RALGPS1: variants seen among roughly 807,000 people sequenced by gnomAD.
RALGPS1 encodes the protein Ral GEF with PH domain and SH3 binding motif 1, also known as ras-specific guanine nucleotide-releasing factor RalGPS1.
Under a neutral mutation model 78.8 loss-of-function variants are expected in RALGPS1, and 19 were observed. That is an observed-to-expected ratio of 0.24 (90% CI 0.17 to 0.35). The LOEUF (loss-of-function observed/expected upper bound fraction) is 0.35, where lower values mean the gene tolerates loss of function less well. RALGPS1 is among the 10% of genes least tolerant of loss of function. The pLI, the probability that RALGPS1 is intolerant of heterozygous loss-of-function variation, is 1.00. For missense variants in RALGPS1, 454 were observed against 688.3 expected (o/e 0.66, Z 3.81); for synonymous variants, 228 against 256.3 (o/e 0.89, Z 1.06).
chr9:127,086,661 T>A (rs1223275818), intron 8 of RALGPS1, among the ~76,000 whole-genome samples: 4 of 152,238 alleles, frequency 2.6e-5, no homozygotes, highest in African/African-American at 7.2e-5. Context: ...TTAATCTTGG[T>A]CATGTTTTAT....
At chr9:127,143,982 G>T (rs1203337336) in intron 8 of RALGPS1, among the ~76,000 whole-genome samples, 1 of 152,228 alleles carries the variant, frequency 6.6e-6, no homozygotes, top group Non-Finnish European at 1.5e-5. Flanking sequence ...GATGGATTAG[G>T]CTGTGGGAGG....
At chr9:126,916,985 C>T (rs1012054505) in intron 1 of RALGPS1, among the ~76,000 whole-genome samples, 14 of 152,178 alleles carry the variant, frequency 9.2e-5, no homozygotes, top group African/African-American at 2.9e-4. Context: ...AACTGTAATG[C>T]CTCCTACCTT....
chr9:127,079,840 T>C (rs1161040151), intron 8 of RALGPS1: 3 of 152,156 alleles, frequency 2.0e-5, no homozygotes, highest in African/African-American at 7.2e-5. Flanking sequence ...AGACAATAAA[T>C]GTTTATTGTA....
chr9:127,208,700 G>A (rs780861638), intron 14 of RALGPS1, among the ~76,000 whole-genome samples: 16 of 152,092 alleles, frequency 1.1e-4, no homozygotes, highest in Non-Finnish European at 2.2e-4. Context: ...TGTGCTCCCC[G>A]CCAGTCCACT....
In RALGPS1 at chr9:127,003,528, G is replaced by A. The variant is rs894366997; in HGVS notation, c.216+25783G>A. 9.9e-5 allele frequency among the ~76,000 whole-genome samples: 15 copies of A among 152,074 alleles called. 1 individual carries two copies. Among genetic ancestry groups the A allele is most frequent in the Admixed American group, 9.8e-4 (15 of 15,276 alleles). On this transcript the variant is annotated intron_variant, in intron 4 of 18. Transcript: ENST00000259351. ...GATACCATCTCACACCAGTTAGAAT[G>A]GCAATCGTTAAAAAGTCACAAACGT...
Position 127,222,725 on chromosome 9 carries a change from G to A in RALGPS1, c.*3956G>A, listed in dbSNP as rs1317105171. The A allele has an allele frequency of 6.6e-6, 1 of 152,618 alleles. No homozygotes were observed. Among genetic ancestry groups the A allele is most frequent in the African/African-American group, 2.4e-5 (1 of 41,442 alleles). The allele number at this position is 152,618 out of a possible 1,614,324, so 9.5% of individuals were successfully genotyped here. A position where few individuals can be genotyped will look rare whatever the true frequency, so the allele number is the denominator to read the frequency against. ...GTAACGAAGTAATAGTAATTAATTA[G>A]TATGGTATAATCTTTAATAAATTTC... On this transcript the variant is annotated 3_prime_UTR_variant, in exon 19 of 19. Coordinates refer to ENST00000259351, the MANE Select transcript of RALGPS1 (RefSeq NM_014636.3).
intron 2 of RALGPS1, among the ~76,000 whole-genome samples, chr9:126,962,819 A>G (rs760937767): frequency 6.6e-6 from 1 of 152,196 alleles, no homozygotes; most frequent in African/African-American, 2.4e-5. Flanking sequence ...TTTGATTTCC[A>G]TGCTCGGTAA....
At chr9:127,168,604 G>C in intron 9 of RALGPS1, 75 bp from the exon 10 acceptor site, 1 of 1,038,848 alleles carries the variant, frequency 9.6e-7, no homozygotes, top group African/African-American at 1.6e-5. Flanking sequence ...CTAAAATCAT[G>C]ATTTCTATAC....
chr9:127,003,470 C>T (rs74590559), intron 4 of RALGPS1, among the ~76,000 whole-genome samples: 3,228 of 150,512 alleles, frequency 0.021, 38 homozygotes, highest in Middle Eastern at 0.038. Flanking sequence ...TCATCACTGG[C>T]CATCAGAGAA....
chr9:127,166,324 G>C lies in RALGPS1; in HGVS notation c.748+118G>C, dbSNP rs1159286383. 4 of 1,192,724 alleles carry C rather than the reference G, an allele frequency of 3.4e-6. No individual in the cohort carries two copies. The African/African-American group carries it at 4.6e-5, about 14-fold the overall frequency. 73.9% of individuals were successfully genotyped at this position (1,192,724 alleles called of 1,614,324 possible). On this transcript the variant is annotated intron_variant, in intron 9 of 18. Coordinates refer to ENST00000259351, the MANE Select transcript of RALGPS1 (RefSeq NM_014636.3). ...ACAAAGTTCCTCATTTTAATATATCGAGCATCAAACATGTACTAGATCCTT... is the reference window on the plus strand; with the variant it reads ...ACAAAGTTCCTCATTTTAATATATCCAGCATCAAACATGTACTAGATCCTT...
intron 1 of RALGPS1, among the ~76,000 whole-genome samples, chr9:126,957,334 G>A (rs2038440005): frequency 6.6e-6 from 1 of 151,848 alleles, no homozygotes; most frequent in Admixed American, 6.6e-5. Flanking sequence ...GGAGAGCAAG[G>A]CCTCTCGTTT....
At chr9:127,056,669 G>A (rs930657254) in intron 7 of RALGPS1, among the ~76,000 whole-genome samples, 1 of 152,182 alleles carries the variant, frequency 6.6e-6, no homozygotes, top group Non-Finnish European at 1.5e-5. Flanking sequence ...CACGCAGGGT[G>A]GAGCATGCAC....
intron 9 of RALGPS1, 26 bp downstream of exon 9, chr9:127,166,232 T>C: frequency 1.2e-6 from 2 of 1,610,174 alleles, no homozygotes. Context: ...GTTAGAATTG[T>C]GAAATCTTAC....
intron 8 of RALGPS1, among the ~76,000 whole-genome samples, chr9:127,084,855 C>T (rs1417077766): frequency 6.6e-6 from 1 of 152,190 alleles, no homozygotes; most frequent in African/African-American, 2.4e-5. Flanking sequence ...AGAAAGAGCG[C>T]CTTTTAGACA....
intron 5 of RALGPS1, among the ~76,000 whole-genome samples, chr9:127,038,966 G>A (rs569723274): frequency 6.6e-6 from 1 of 152,352 alleles, no homozygotes; most frequent in South Asian, 2.1e-4. Flanking sequence ...CCATCCTTGA[G>A]ACAGTGAACA....
At chr9:127,080,357 C>T (rs185977250) in intron 8 of RALGPS1, among the ~76,000 whole-genome samples, 1 of 152,316 alleles carries the variant, frequency 6.6e-6, no homozygotes, top group East Asian at 1.9e-4. Flanking sequence ...AAATTATTCA[C>T]ACTGAAAAGA....
chr9:127,153,375 CTT>C (rs60308901), intron 8 of RALGPS1, among the ~76,000 whole-genome samples: 37,231 of 102,464 alleles, frequency 0.36, 6,451 homozygotes, highest in Non-Finnish European at 0.45. Flanking sequence ...TAGAGGATTA[CTT>C]TTTTTTTTTT....
chr9:127,186,320 A>G (rs1310422751), intron 11 of RALGPS1, among the ~76,000 whole-genome samples: 3 of 152,240 alleles, frequency 2.0e-5, no homozygotes, highest in Non-Finnish European at 4.4e-5. Flanking sequence ...ATCCTCTGAG[A>G]TAGTCAAGCC....
At chr9:126,948,281 C>T (rs576345596) in intron 1 of RALGPS1, among the ~76,000 whole-genome samples, 2 of 152,240 alleles carry the variant, frequency 1.3e-5, no homozygotes, top group African/African-American at 2.4e-5. Flanking sequence ...TTTGGGAGGC[C>T]GAGGTGGGCA....
Sources: gnomAD v4.1 joint callset for allele counts (sites outside exome capture counted in the v4.1 genomes callset) on GRCh38, gnomAD v4.1.1 for gene constraint, MANE v1.5 for transcripts, NCBI Gene and HGNC (gene_info 2026-07-23, HGNC 2026-07-21) for gene names.